Variants in FBH1 observed in about 807,000 individuals in gnomAD.
FBH1 encodes DNA 3'-5' helicase 1.
Under a neutral mutation model 115.5 loss-of-function variants are expected in FBH1, and 43 were observed. That is an observed-to-expected ratio of 0.37 (90% CI 0.29 to 0.48). FBH1 has a LOEUF of 0.48. FBH1 is among the 20% of genes least tolerant of loss of function. The pLI is 0.99. For missense variants in FBH1, 1,001 were observed against 1,337.3 expected, an observed-to-expected ratio of 0.75 and a Z score of 3.92; for synonymous variants, 524 against 507.8, an observed-to-expected ratio of 1.03 and a Z score of -0.43.
rs375218808 is a variant in FBH1 at position 5,910,281 on chromosome 10, CAAAA to C, written c.1021-647_1021-644del. On this transcript the variant is annotated intron_variant, in intron 5 of 20. Coordinates refer to ENST00000362091, the MANE Select transcript of FBH1 (RefSeq NM_178150.3). The surrounding 1 kb of genome is among the most constrained non-coding windows in gnomAD (Gnocchi z 4.8). ...TGTGTGACAGAGTCAGACTTTGTCT[CAAAA>C]AAAAAAAAAGATGAAGATCTGTGTC... 7.4e-6 allele frequency among the ~76,000 whole-genome samples: 1 copy of C among 134,766 alleles called. No individual in the cohort carries two copies. The highest frequency in any genetic ancestry group is 1.6e-5 in the Non-Finnish European group (1 of 62,108). The allele number at this position is 134,766 out of a possible 152,430, so 88.4% of individuals were successfully genotyped here.
In FBH1 at chr10:5,897,135, T is replaced by C. The variant is rs917831126; in HGVS notation, c.2-5885T>C. Among the ~76,000 whole-genome samples the C allele has an allele frequency of 6.6e-5, 10 of 152,214 alleles. No homozygotes were observed. The highest frequency in any genetic ancestry group is 2.2e-4 in the African/African-American group (9 of 41,464). ...CACATATTTCTTCTGACGTTTCTGT[T>C]GCTAGGTGTTGACATAGATTTAGAG... On this transcript the variant is annotated intron_variant, in intron 1 of 20. Coordinates refer to ENST00000362091, the MANE Select transcript of FBH1 (RefSeq NM_178150.3). The surrounding 1 kb of genome is among the most constrained non-coding windows in gnomAD (Gnocchi z 4.7).
rs753888631 is a variant in FBH1 at position 5,921,461 on chromosome 10, T to G, written c.2214T>G (p.Gly738=). The change falls in exon 15 of 21, where the codon GGT becomes GGG. Residue 738 remains glycine, a synonymous_variant. Transcript: ENST00000362091. This position sits in a 1 kb window ranked among gnomAD's most constrained non-coding sequence, Gnocchi z 6.4. The stretch of plus-strand genomic sequence containing the variant: ...CTCTCCCTAAAGGTGGCATTAGAGG[T>G]GACGCAAAGGGGCAAGTGGCCTTGT... ...VGGNHQSGIR[G]DAKGQVALLS... 8.2e-5 allele frequency: 131 copies of G among 1,603,612 alleles called. No individual in the cohort carries two copies. The highest frequency in any genetic ancestry group is 3.3e-4 in the Middle Eastern group (2 of 6,044).
intron 1 of FBH1, chr10:5,894,171 G>A (rs896845221): frequency 5.5e-5 from 54 of 985,444 alleles, no homozygotes; most frequent in Non-Finnish European, 6.3e-5. Context: ...TGGGAAAGGA[G>A]CTGGAGCTCT....
In FBH1 at chr10:5,909,972, A is replaced by G. The variant is rs530846816; in HGVS notation, c.1020+678A>G. On this transcript the variant is annotated intron_variant, in intron 5 of 20. Transcript: ENST00000362091. The surrounding 1 kb of genome is among the most constrained non-coding windows in gnomAD (Gnocchi z 4.4). ...TCTTGGAATGCATTCTTTAACACAGAGACGTGTAGTAACTTAAGAATGGTA... is the reference window on the plus strand; with the variant it reads ...TCTTGGAATGCATTCTTTAACACAGGGACGTGTAGTAACTTAAGAATGGTA... 5.9e-5 allele frequency among the ~76,000 whole-genome samples: 9 copies of G among 152,236 alleles called. No individual in the cohort carries two copies. Among genetic ancestry groups the G allele is most frequent in the African/African-American group, 2.2e-4 (9 of 41,550 alleles).
chr10:5,914,885 G>A lies in FBH1; in HGVS notation c.1397-518G>A, dbSNP rs1325649668. Among the ~76,000 whole-genome samples, 2 of 151,986 alleles carry A rather than the reference G, an allele frequency of 1.3e-5. No individual in the cohort carries two copies. Among genetic ancestry groups the A allele is most frequent in the Non-Finnish European group, 2.9e-5 (2 of 68,012 alleles). Reference sequence around the variant, plus strand: ...ATTTTGAATGCCTGCAGTGTGCTTGGCATTGTGCTGATCCTGATAGCATTC... The same window carrying A: ...ATTTTGAATGCCTGCAGTGTGCTTGACATTGTGCTGATCCTGATAGCATTC... On this transcript the variant is annotated intron_variant, in intron 8 of 20. Transcript: ENST00000362091. This position sits in a 1 kb window ranked among gnomAD's most constrained non-coding sequence, Gnocchi z 5.2.
rs1236152458 is a variant in FBH1 at position 5,923,974 on chromosome 10, TATACGTTG to T, written c.2398+283_2398+290del. On this transcript the variant is annotated intron_variant, in intron 16 of 20. Coordinates refer to ENST00000362091, the MANE Select transcript of FBH1 (RefSeq NM_178150.3). This position sits in a 1 kb window ranked among gnomAD's most constrained non-coding sequence, Gnocchi z 5.7. The stretch of plus-strand genomic sequence containing the variant: ...ATCCTTCTGTCTGCCTGGGCCAATT[TATACGTTG>T]ATACTTCCACGTGGGCCCCAAGTGA... 1.8e-6 allele frequency: 1 copy of T among 559,442 alleles called. No individual in the cohort carries two copies. The highest frequency in any genetic ancestry group is 3.2e-6 in the Non-Finnish European group (1 of 315,716). 34.7% of individuals were successfully genotyped at this position (559,442 alleles called of 1,614,324 possible). A position where few individuals can be genotyped will look rare whatever the true frequency, so the allele number is the denominator to read the frequency against.
Position 5,900,432 on chromosome 10 carries a change from A to C in FBH1, c.2-2588A>C, listed in dbSNP as rs1843274177. Among the ~76,000 whole-genome samples, 1 of 152,222 alleles carries C rather than the reference A, an allele frequency of 6.6e-6. No homozygotes were observed. ...AGTGGCCAGCTGAGGGTGCCAGCCC[A>C]GCCCTCCCGCCAGGCCCTCGCCGGC... On this transcript the variant is annotated intron_variant, in intron 1 of 20. Transcript: ENST00000362091. This position sits in a 1 kb window ranked among gnomAD's most constrained non-coding sequence, Gnocchi z 4.2.
At position 5,928,974 on chromosome 10, in the gene FBH1, A is replaced by G. The variant is rs183274499; in HGVS notation, c.2829+1433A>G. Among the ~76,000 whole-genome samples the G allele has an allele frequency of 2.6e-5, 4 of 152,278 alleles. No homozygotes were observed. The East Asian group carries it at 7.7e-4, about 29-fold the overall frequency. ...GGGGTGAGCCGCGCCGTACTGCCCTATGTGCTCTGGGGTTGAACCACAGGG... is the reference window on the plus strand; with the variant it reads ...GGGGTGAGCCGCGCCGTACTGCCCTGTGTGCTCTGGGGTTGAACCACAGGG... On this transcript the variant is annotated intron_variant, in intron 19 of 20. Coordinates refer to ENST00000362091, the MANE Select transcript of FBH1 (RefSeq NM_178150.3).
At chr10:5,898,296 T>C (rs936621346) in intron 1 of FBH1, among the ~76,000 whole-genome samples, 7 of 152,216 alleles carry the variant, frequency 4.6e-5, no homozygotes, top group Non-Finnish European at 8.8e-5. Flanking sequence ...CACCTTCTCT[T>C]TGTGTCCTCA....
Position 5,902,885 on chromosome 10 carries a change from G to A in FBH1, c.2-135G>A, listed in dbSNP as rs966616225. ...AGGACAAAGTTGGGGGGCAAGGGGAGGGGGGAACGGTTGGCTGGGGTGTTG... is the reference window on the plus strand; with the variant it reads ...AGGACAAAGTTGGGGGGCAAGGGGAAGGGGGAACGGTTGGCTGGGGTGTTG... On this transcript the variant is annotated intron_variant, in intron 1 of 20. Coordinates refer to ENST00000362091, the MANE Select transcript of FBH1 (RefSeq NM_178150.3). The A allele has an allele frequency of 4.4e-6, 3 of 685,554 alleles. No homozygotes were observed. In the East Asian group the frequency reaches 9.5e-5, roughly 22 times the overall value. The allele number at this position is 685,554 out of a possible 1,614,324, so 42.5% of individuals were successfully genotyped here.
chr10:5,915,541 A>C lies in FBH1; in HGVS notation c.1535A>C (p.His512Pro). The C allele has an allele frequency of 6.2e-7, 1 of 1,613,294 alleles. No individual in the cohort carries two copies. Among genetic ancestry groups the C allele is most frequent in the Non-Finnish European group, 8.5e-7 (1 of 1,179,854 alleles). ...AGCAACGTCATCTGCAAAACCTTCC[A>C]CTCCATGGCCTACGGGCACATAGGG... Reference protein sequence around the residue: ...FPSNVICKTFHSMAYGHIGRK... With the variant: ...FPSNVICKTFPSMAYGHIGRK... Residue 512 changes from histidine (H) to proline (P), a missense_variant, in exon 9 of 21, where the codon CAC becomes CCC. Physicochemically the swap from His to Pro is moderately conservative, Grantham distance 77 (BLOSUM62 -2). Transcript: ENST00000362091. This position sits in a 1 kb window ranked among gnomAD's most constrained non-coding sequence, Gnocchi z 5.2.
rs1231775763 is a variant in FBH1, at chr10:5,913,046, C to T, written c.1212-701C>T. On this transcript the variant is annotated intron_variant, in intron 6 of 20. Transcript: ENST00000362091. The surrounding 1 kb of genome is among the most constrained non-coding windows in gnomAD (Gnocchi z 4.4). ...CACTCGATTGTTGGGGGAGCGAGTC[C>T]AAGCTCACCCCCGGTCTCCCCCACA... Among the ~76,000 whole-genome samples, 1 of 152,120 alleles carries T rather than the reference C, an allele frequency of 6.6e-6. No individual in the cohort carries two copies. The highest frequency in any genetic ancestry group is 1.5e-5 in the Non-Finnish European group (1 of 68,024).
At chr10:5,901,682 A>G (rs933076271) in intron 1 of FBH1, among the ~76,000 whole-genome samples, 1 of 149,804 alleles carries the variant, frequency 6.7e-6, no homozygotes, top group African/African-American at 2.5e-5. Flanking sequence ...CTTGGGCCTC[A>G]GCCTCCTGAG....
Position 5,921,521 on chromosome 10 carries a change from C to T in FBH1, c.2274C>T (p.Ala758=), listed in dbSNP as rs141613808. 22 of 1,596,470 alleles carry T rather than the reference C, an allele frequency of 1.4e-5. No individual in the cohort carries two copies. Among genetic ancestry groups the T allele is most frequent in the African/African-American group, 1.1e-4 (8 of 73,464 alleles). The change falls in exon 15 of 21, where the codon GCC becomes GCT. Residue 758 remains alanine (A), a synonymous_variant. Coordinates refer to ENST00000362091, the MANE Select transcript of FBH1 (RefSeq NM_178150.3). The surrounding 1 kb of genome is among the most constrained non-coding windows in gnomAD (Gnocchi z 6.4). The stretch of plus-strand genomic sequence containing the variant: ...CCAACGCCAACGTGTTTGATGAGGC[C>T]GTACGGGTGACGGAAGGGGAATTCC... ...SRTNANVFDE[A]VRVTEGEFPS...
chr10:5,934,231 C>T (rs929114622), intron 19 of FBH1: 10 of 152,170 alleles, frequency 6.6e-5, no homozygotes, highest in African/African-American at 2.4e-4. Context: ...TTGACCCCTC[C>T]CCCTTAGAAA....
chr10:5,904,177 G>A (rs367747756), intron 2 of FBH1, among the ~76,000 whole-genome samples: 26 of 151,838 alleles, frequency 1.7e-4, no homozygotes, highest in African/African-American at 2.2e-4. Context: ...ACTTACAGGC[G>A]CGCGCCACCA....
chr10:5,927,929 A>C (rs930003772), intron 19 of FBH1, among the ~76,000 whole-genome samples: 63 of 151,642 alleles, frequency 4.2e-4, no homozygotes, highest in Admixed American at 4.1e-3. Flanking sequence ...TAAATTAGCC[A>C]GGTGTGGTGG....
intron 1 of FBH1, among the ~76,000 whole-genome samples, chr10:5,892,178 G>C (rs893951166): frequency 6.6e-6 from 1 of 152,244 alleles, no homozygotes; most frequent in Admixed American, 6.5e-5. Context: ...CATTTCTTTC[G>C]TGCAGACTTT....
chr10:5,926,590 G>A (rs1211015031), intron 18 of FBH1, among the ~76,000 whole-genome samples: 2 of 152,142 alleles, frequency 1.3e-5, no homozygotes, highest in East Asian at 1.9e-4. Context: ...AGCACACATC[G>A]GCATGCTGAA....
Sources: allele counts gnomAD v4.1 joint callset (sites outside exome capture counted in the v4.1 genomes callset), GRCh38; gene constraint gnomAD v4.1.1; non-coding constraint Gnocchi (gnomAD v3.1); transcripts MANE v1.5; gene names NCBI Gene and HGNC (gene_info 2026-07-23, HGNC 2026-07-21).